Variants in EAPP observed in about 807,000 individuals in gnomAD.
The protein encoded by EAPP is E2F associated phosphoprotein, also known as E2F-associated phosphoprotein.
Under a neutral mutation model 34.3 loss-of-function variants are expected in EAPP, and 38 were observed. That is an observed-to-expected ratio of 1.11 (90% CI 0.85 to 1.45). EAPP has a LOEUF of 1.45. EAPP is among the 40% of genes most tolerant of loss of function. The pLI is 0.00. For missense variants in EAPP, 338 were observed against 343.7 expected (o/e 0.98, Z 0.13); for synonymous variants, 113 against 117.6 (o/e 0.96, Z 0.25).
At chr14:34,530,310 A>C (rs1349505871) in intron 3 of EAPP, among the ~76,000 whole-genome samples, 4 of 152,132 alleles carry the variant, frequency 2.6e-5, no homozygotes, top group Non-Finnish European at 5.9e-5. Context: ...AGACAAGAGG[A>C]TCGCTTGAGG....
intron 4 of EAPP, among the ~76,000 whole-genome samples, chr14:34,526,303 C>T (rs1362507977): frequency 5.3e-5 from 8 of 151,432 alleles, no homozygotes; most frequent in Non-Finnish European, 1.5e-5. Flanking sequence ...GTGGCGGGTA[C>T]CTATAATCTC....
At chr14:34,523,986 T>C (rs1880008622) in intron 5 of EAPP, among the ~76,000 whole-genome samples, 1 of 152,182 alleles carries the variant, frequency 6.6e-6, no homozygotes, top group Non-Finnish European at 1.5e-5. Context: ...CTGGGCACAG[T>C]GGCTCACGCA....
At chr14:34,531,233 A>G (rs1011438329) in intron 3 of EAPP, among the ~76,000 whole-genome samples, 1 of 152,168 alleles carries the variant, frequency 6.6e-6, no homozygotes, top group Non-Finnish European at 1.5e-5. Context: ...TGAACCCAGG[A>G]GGCAGAGGCT....
chr14:34,537,718 T>C (rs976593264), intron 1 of EAPP, among the ~76,000 whole-genome samples: 6 of 152,212 alleles, frequency 3.9e-5, no homozygotes, highest in African/African-American at 1.4e-4. Flanking sequence ...ATGTGCAGCA[T>C]TCTTCTAGGA....
intron 5 of EAPP, among the ~76,000 whole-genome samples, chr14:34,522,888 G>C (rs1368434452): frequency 6.6e-6 from 1 of 152,138 alleles, no homozygotes; most frequent in African/African-American, 2.4e-5. Flanking sequence ...CCTATGAGTT[G>C]AGGCAGGGAC....
intron 2 of EAPP, among the ~76,000 whole-genome samples, chr14:34,533,845 C>G (rs1880376394): frequency 6.6e-6 from 1 of 152,050 alleles, no homozygotes; most frequent in South Asian, 2.1e-4. Context: ...TTCAGTCATA[C>G]AGTATACCAT....
At position 34,518,031 on chromosome 14, in the gene EAPP, C is replaced by G. The variant is rs559426288; in HGVS notation, c.582-1445G>C. ...CTCGTGATCTGCCTGCTTTAGCCTCCCAAAGTGCTGGGATTACAGGTGTGA... is the reference window on the plus strand; with the variant it reads ...CTCGTGATCTGCCTGCTTTAGCCTCGCAAAGTGCTGGGATTACAGGTGTGA... On this transcript the variant is annotated intron_variant, in intron 5 of 5. Coordinates refer to ENST00000250454, the MANE Select transcript of EAPP (RefSeq NM_018453.4). Among the ~76,000 whole-genome samples the G allele has an allele frequency of 2.0e-3, 303 of 152,158 alleles. 1 individual carries two copies. Among genetic ancestry groups the G allele is most frequent in the African/African-American group, 7.0e-3 (289 of 41,522 alleles).
At chr14:34,538,097 T>A (rs1410864234) in intron 1 of EAPP, among the ~76,000 whole-genome samples, 1 of 152,098 alleles carries the variant, frequency 6.6e-6, no homozygotes, top group Non-Finnish European at 1.5e-5. Context: ...GATACAACAG[T>A]CCTGGCTCCG....
intron 4 of EAPP, 88 bp from the exon 5 acceptor site, chr14:34,524,895 C>A: frequency 2.9e-6 from 3 of 1,020,150 alleles, no homozygotes; most frequent in Non-Finnish European, 1.5e-6. Context: ...AGAACCAGTA[C>A]TATTCAGAGA....
Position 34,530,754 on chromosome 14 carries a change from T to C in EAPP, c.353-1279A>G, listed in dbSNP as rs368217617. Among the ~76,000 whole-genome samples the C allele has an allele frequency of 1.9e-4, 29 of 150,894 alleles. 1 individual carries two copies. The South Asian group carries it at 5.9e-3, about 31-fold the overall frequency. On this transcript the variant is annotated intron_variant, in intron 3 of 5. Transcript: ENST00000250454. ...TATATATATAAAATGCTACTAAAATTAGAACAAAAATATTTCAAAAGTGAA... is the reference window on the plus strand; with the variant it reads ...TATATATATAAAATGCTACTAAAATCAGAACAAAAATATTTCAAAAGTGAA...
intron 5 of EAPP, among the ~76,000 whole-genome samples, chr14:34,522,493 T>C (rs1396549184): frequency 2.6e-5 from 4 of 152,188 alleles, no homozygotes; most frequent in African/African-American, 2.4e-5. Flanking sequence ...TGGATGTAAA[T>C]GTACATCTTT....
chr14:34,539,502 A>T, intron 1 of EAPP, 53 bp downstream of exon 1: 1 of 1,581,562 alleles, frequency 6.3e-7, no homozygotes. Context: ...GGAGGCGACC[A>T]AAGCCAGGCC....
chr14:34,518,001 C>G (rs1879793717), intron 5 of EAPP, among the ~76,000 whole-genome samples: 1 of 151,906 alleles, frequency 6.6e-6, no homozygotes, highest in African/African-American at 2.4e-5. Flanking sequence ...TCTCAAACTC[C>G]TGACCTCGTG....
intron 4 of EAPP, among the ~76,000 whole-genome samples, chr14:34,529,029 G>A (rs1383464394): frequency 2.6e-5 from 4 of 151,928 alleles, no homozygotes; most frequent in Admixed American, 6.6e-5. Context: ...CCAACTACTC[G>A]GGAAGCTGAG....
At chr14:34,533,689 C>T (rs1378371753) in intron 2 of EAPP, 150 bp from the exon 3 acceptor site, 3 of 571,852 alleles carry the variant, frequency 5.2e-6, no homozygotes, top group South Asian at 4.6e-5. Context: ...GTGAATTACT[C>T]GATGTCTATG....
At chr14:34,539,236 A>T in intron 1 of EAPP, 3 of 541,096 alleles carry the variant, frequency 5.5e-6, no homozygotes, top group Non-Finnish European at 1.0e-5. Flanking sequence ...CAGGTGAGTA[A>T]TCGAGGATAA....
At chr14:34,535,127 C>G (rs547704683) in intron 2 of EAPP, among the ~76,000 whole-genome samples, 2 of 140,880 alleles carry the variant, frequency 1.4e-5, no homozygotes, top group East Asian at 2.5e-4. Flanking sequence ...TGAGCCACCA[C>G]GCCTGGCCTT....
chr14:34,521,844 C>G (rs1276815015), intron 5 of EAPP, among the ~76,000 whole-genome samples: 2 of 151,994 alleles, frequency 1.3e-5, no homozygotes, highest in Non-Finnish European at 2.9e-5. Flanking sequence ...CCATGTTAGC[C>G]AGGATGGTCT....
chr14:34,537,713 C>G (rs1207320433), intron 1 of EAPP, among the ~76,000 whole-genome samples: 1 of 152,194 alleles, frequency 6.6e-6, no homozygotes, highest in African/African-American at 2.4e-5. Flanking sequence ...ACTGAATGTG[C>G]AGCATTCTTC....
Sources: gnomAD v4.1 joint callset for allele counts (sites outside exome capture counted in the v4.1 genomes callset) on GRCh38, gnomAD v4.1.1 for gene constraint, MANE v1.5 for transcripts, NCBI Gene and HGNC (gene_info 2026-07-23, HGNC 2026-07-21) for gene names.